The following MACF1 variants were observed in gnomAD, a reference collection of about 807,000 sequenced individuals.
MACF1 encodes the protein microtubule-actin cross-linking factor 1.
A neutral mutation model predicts 854.8 loss-of-function variants in MACF1; 193 were observed. The ratio of observed to expected loss-of-function variants is 0.23; its 90% CI spans 0.20 to 0.25. MACF1 has a LOEUF of 0.25. Ranked by LOEUF, MACF1 falls within the 10% of genes least tolerant of loss-of-function variation. The pLI, the probability that MACF1 is intolerant of heterozygous loss-of-function variation, is 1.00. For missense variants in MACF1, 7,722 were observed against 8,929.1 expected, an observed-to-expected ratio of 0.86 and a Z score of 5.45; for synonymous variants, 3,185 against 3,226.7, an observed-to-expected ratio of 0.99 and a Z score of 0.44.
chr1:39,438,170 C>G (rs1313133326), intron 71 of MACF1, among the ~76,000 whole-genome samples, 162 bp downstream of exon 71: 2 of 152,192 alleles, frequency 1.3e-5, no homozygotes, highest in Admixed American at 1.3e-4. Context: ...GAATTCAGAA[C>G]ACATTTCGCC....
chr1:39,128,602 G>A (rs1294654296), intron 2 of MACF1, among the ~76,000 whole-genome samples: 3 of 152,140 alleles, frequency 2.0e-5, no homozygotes. Flanking sequence ...GGGAGGCTAA[G>A]GCAGGAGAAT....
At chr1:39,419,971 T>G (rs1259385727) in intron 58 of MACF1, among the ~76,000 whole-genome samples, 1 of 152,188 alleles carries the variant, frequency 6.6e-6, no homozygotes, top group Non-Finnish European at 1.5e-5. Context: ...CTAGCCTATT[T>G]TACTTTTCTG....
intron 28 of MACF1, 103 bp from the exon 29 acceptor site, chr1:39,317,110 CA>C: frequency 8.7e-7 from 1 of 1,150,018 alleles, no homozygotes; most frequent in Non-Finnish European, 1.2e-6. Flanking sequence ...ATCACATATA[CA>C]ATGTGGAAAT....
intron 97 of MACF1, among the ~76,000 whole-genome samples, chr1:39,478,234 C>T (rs540012099): frequency 5.3e-5 from 8 of 152,224 alleles, no homozygotes; most frequent in African/African-American, 1.9e-4. Context: ...AACTCCTGGC[C>T]TCAGGTGATC....
chr1:39,247,801 G>A (rs1644999181), intron 2 of MACF1, among the ~76,000 whole-genome samples: 2 of 152,220 alleles, frequency 1.3e-5, no homozygotes, highest in Admixed American at 1.3e-4. Context: ...GGGAGGCTGA[G>A]GCGGGTGGAT....
At chr1:39,175,941 CAAAAAAA>C (rs68102262) in intron 2 of MACF1, among the ~76,000 whole-genome samples, 2 of 98,566 alleles carry the variant, frequency 2.0e-5, no homozygotes, top group African/African-American at 7.5e-5. Context: ...ACTAAAAATA[CAAAAAAA>C]AAAAAAAAAA....
At chr1:39,375,096 C>T (rs61779283) in intron 52 of MACF1, among the ~76,000 whole-genome samples, 24,224 of 150,926 alleles carry the variant, frequency 0.16, 2,409 homozygotes, top group Middle Eastern at 0.22. Flanking sequence ...GGTGACAGAG[C>T]GAGACTCCAT....
chr1:39,200,063 AG>A (rs780286176), upstream of MACF1, among the ~76,000 whole-genome samples: 6 of 152,180 alleles, frequency 3.9e-5, no homozygotes, highest in Non-Finnish European at 7.3e-5. Context: ...GAATCGCTCC[AG>A]TCAGGCTTTT....
chr1:39,459,034 C>T (rs1644498013), intron 90 of MACF1, 52 bp from the exon 91 acceptor site: 1 of 1,474,374 alleles, frequency 6.8e-7, no homozygotes, highest in Non-Finnish European at 9.2e-7. Context: ...ACAGCTATTT[C>T]TCTTTGTATA....
At chr1:39,108,832 A>C (rs1156818209) in intron 2 of MACF1, among the ~76,000 whole-genome samples, 1 of 152,208 alleles carries the variant, frequency 6.6e-6, no homozygotes, top group Non-Finnish European at 1.5e-5. Context: ...AATAGTCTTT[A>C]CTTGCTGGGC....
intron 2 of MACF1, among the ~76,000 whole-genome samples, chr1:39,196,352 CTT>C (rs1644320157): frequency 6.6e-6 from 1 of 152,162 alleles, no homozygotes; most frequent in South Asian, 2.1e-4. Context: ...CATTCTGGGC[CTT>C]TGCAAGTTGT....
chr1:39,480,106 GAAATAA>G, intron 98 of MACF1, 97 bp downstream of exon 98: 1 of 1,134,382 alleles, frequency 8.8e-7, no homozygotes, highest in South Asian at 1.4e-5. Context: ...GTGAGGAGAA[GAAATAA>G]AAATGAAAAC....
At chr1:39,170,241 T>C (rs1199881874) in intron 2 of MACF1, among the ~76,000 whole-genome samples, 1 of 152,206 alleles carries the variant, frequency 6.6e-6, no homozygotes, top group Admixed American at 6.5e-5. Context: ...AAGCTAGTTT[T>C]ATCTATCTAT....
chr1:39,444,723 G>A lies in MACF1; in HGVS notation c.19493G>A (p.Arg6498Lys), dbSNP rs746072417. 1.2e-6 allele frequency: 2 copies of A among 1,614,190 alleles called. No homozygotes were observed. Among genetic ancestry groups the A allele is most frequent in the South Asian group, 2.2e-5 (2 of 91,082 alleles). The change falls in exon 80 of 101, where the codon AGA becomes AAA. Residue 6498 changes from arginine (R) to lysine (K), a missense_variant. Physicochemically the swap from Arg to Lys is conservative, Grantham distance 26 (BLOSUM62 2). This residue lies in a region of MACF1 where 729 missense variants were observed against 900.5 expected (regional missense o/e 0.81). Transcript: ENST00000564288. ...ETYNQLLDKGRLMLLSRDDSG... is the reference protein window; with the variant it reads ...ETYNQLLDKGKLMLLSRDDSG... ...TATAATCAACTACTTGACAAGGGCA[G>A]ACTCATGCTTCTAAGCCGTGACGAC...
Position 39,336,424 on chromosome 1 carries a change from T to C in MACF1, c.9836T>C (p.Val3279Ala). 1 of 1,613,840 alleles carries C rather than the reference T, an allele frequency of 6.2e-7. No individual in the cohort carries two copies. Among genetic ancestry groups the C allele is most frequent in the East Asian group, 2.2e-5 (1 of 44,862 alleles). ...SFLPEKLFKGVSQKENTGQQN... is the reference protein window; with the variant it reads ...SFLPEKLFKGASQKENTGQQN... The stretch of plus-strand genomic sequence containing the variant: ...CTTCCAGAGAAACTGTTCAAAGGAG[T>C]GTCTCAAAAAGAGAATACAGGGCAA... The change falls in exon 37 of 101, where the codon GTG becomes GCG. Residue 3279 changes from valine (V) to alanine (A), a missense_variant. Val to Ala is a moderately conservative substitution (Grantham distance 64, BLOSUM62 0). Coordinates refer to ENST00000564288, the MANE Select transcript of MACF1 (RefSeq NM_001394062.1).
Position 39,186,765 on chromosome 1 carries a change from G to A in MACF1, c.221-44417G>A, listed in dbSNP as rs183494356. ...TTAGACTATAGGTGTGTACCACTGC[G>A]CCTGGCTAATTTTTTTTTCTTTTTG... On this transcript the variant is annotated intron_variant, in intron 2 of 93. Coordinates refer to the MACF1 transcript ENST00000361689. 2.3e-3 allele frequency among the ~76,000 whole-genome samples: 353 copies of A among 151,168 alleles called. 3 individuals carry two copies. The highest frequency in any genetic ancestry group is 8.6e-3 in the East Asian group (44 of 5,140).
chr1:39,366,741 C>G lies in MACF1; in HGVS notation c.12772-1407C>G, dbSNP rs1356507354. 2.0e-5 allele frequency among the ~76,000 whole-genome samples: 3 copies of G among 148,792 alleles called. No individual in the cohort carries two copies. In the Admixed American group the frequency reaches 2.0e-4, roughly 10 times the overall value. The stretch of plus-strand genomic sequence containing the variant: ...ACAGAGACTTGCTCTGTTATCCAGG[C>G]TGGAGTGCTATGGCACAATCTCGGC... On this transcript the variant is annotated intron_variant, in intron 49 of 100. Coordinates refer to ENST00000564288, the MANE Select transcript of MACF1 (RefSeq NM_001394062.1).
At chr1:39,453,095 C>T (rs138335616) in intron 87 of MACF1, among the ~76,000 whole-genome samples, 44 of 152,252 alleles carry the variant, frequency 2.9e-4, no homozygotes, top group African/African-American at 8.4e-4. Flanking sequence ...ATTTCATCTT[C>T]TTTACTCCTC....
intron 88 of MACF1, 127 bp downstream of exon 88, chr1:39,453,977 A>G: frequency 3.5e-6 from 4 of 1,152,260 alleles, no homozygotes; most frequent in Non-Finnish European, 4.9e-6. Flanking sequence ...AATTAAGTTA[A>G]CATTTTAGTA....
Sources: gnomAD v4.1 joint callset for allele counts (sites outside exome capture counted in the v4.1 genomes callset) on GRCh38, gnomAD v4.1.1 for gene constraint, gnomAD v4.1.1 regional missense constraint, MANE v1.5 for transcripts, NCBI Gene and HGNC (gene_info 2026-07-23, HGNC 2026-07-21) for gene names.